The following SLC38A9 variants were observed in gnomAD, a reference collection of about 807,000 sequenced individuals.
SLC38A9 encodes neutral amino acid transporter 9.
SLC38A9 carries 48 observed loss-of-function variants against 62.3 expected under a neutral mutation model. The ratio of observed to expected loss-of-function variants is 0.77; its 90% confidence interval spans 0.61 to 0.98. The LOEUF (loss-of-function observed/expected upper bound fraction) is 0.98. SLC38A9 is among the 50% of genes least tolerant of loss of function. The pLI, the probability that SLC38A9 is intolerant of heterozygous loss-of-function variation, is 0.00. For synonymous variants in SLC38A9, 204 were observed against 227.7 expected (o/e 0.90, Z 0.94); for missense variants, 541 against 679.8 (o/e 0.80, Z 2.27).
At chr5:55,677,963 T>TGTGTG (rs1561395903) in intron 3 of SLC38A9, among the ~76,000 whole-genome samples, 8 of 120,300 alleles carry the variant, frequency 6.7e-5, no homozygotes, top group African/African-American at 1.8e-4. Flanking sequence ...TGTGTGTGTG[T>TGTGTG]AGTGTGTTGG....
At chr5:55,628,086 A>C in intron 14 of SLC38A9, 106 bp from the exon 15 acceptor site, 15 of 684,270 alleles carry the variant, frequency 2.2e-5, no homozygotes, top group Non-Finnish European at 3.1e-5. Context: ...TTAAAATCAA[A>C]ATGTCTTAAG....
intron 3 of SLC38A9, among the ~76,000 whole-genome samples, chr5:55,679,083 A>T (rs940859303): frequency 6.1e-5 from 6 of 98,544 alleles, no homozygotes; most frequent in Non-Finnish European, 1.3e-4. Flanking sequence ...TTTAAAGTTA[A>T]TTTTATCAAG....
chr5:55,672,805 C>T, intron 3 of SLC38A9, 110 bp from the exon 4 acceptor site: 1 of 1,065,544 alleles, frequency 9.4e-7, no homozygotes, highest in Non-Finnish European at 1.3e-6. Flanking sequence ...TGCACAAAGG[C>T]AAGGCATTGA....
chr5:55,687,306 G>A (rs1754032613), intron 3 of SLC38A9, among the ~76,000 whole-genome samples: 1 of 149,882 alleles, frequency 6.7e-6, no homozygotes, highest in East Asian at 2.0e-4. Context: ...GGGCGCCTGT[G>A]GTCCCAGCTA....
rs920031631 is a variant in SLC38A9 at position 55,628,132 on chromosome 5, T to C, written c.1431-152A>G. The C allele has an allele frequency of 6.5e-5, 38 of 580,306 alleles. No homozygotes were observed. The South Asian group carries it at 8.8e-4, about 13-fold the overall frequency. The allele number at this position is 580,306 out of a possible 1,614,324, so 35.9% of individuals were successfully genotyped here. ...TCACAGCAAAAATAGAAGGTAACAG[T>C]AGTCCTCAATTGTGGTAACGAGAAA... On this transcript the variant is annotated intron_variant, in intron 14 of 15. Transcript: ENST00000396865.
At chr5:55,647,161 A>ATTTAT (rs928845959) in intron 11 of SLC38A9, among the ~76,000 whole-genome samples, 1 of 127,790 alleles carries the variant, frequency 7.8e-6, no homozygotes, top group Non-Finnish European at 1.7e-5. Context: ...AGGTTATGCA[A>ATTTAT]TTTATTTTAT....
intron 3 of SLC38A9, among the ~76,000 whole-genome samples, chr5:55,687,045 A>T (rs1483074182): frequency 7.0e-6 from 1 of 143,822 alleles, no homozygotes; most frequent in African/African-American, 2.6e-5. Flanking sequence ...GAAGTTGGAT[A>T]GCATGATGCC....
intron 3 of SLC38A9, among the ~76,000 whole-genome samples, chr5:55,677,926 T>TTGTGTGTG (rs10682261): frequency 0.018 from 2,009 of 112,170 alleles, 34 homozygotes; most frequent in Middle Eastern, 0.037. Flanking sequence ...TTTTTCTTTA[T>TTGTGTGTG]TGTGTGTGTG....
intron 3 of SLC38A9, among the ~76,000 whole-genome samples, chr5:55,674,281 T>C (rs546740998): frequency 6.6e-6 from 1 of 152,306 alleles, no homozygotes; most frequent in Admixed American, 6.5e-5. Context: ...TAGGGATCAA[T>C]ATGACATATT....
At position 55,649,327 on chromosome 5, in the gene SLC38A9, A is replaced by C. The variant is rs747627095; in HGVS notation, c.953-13T>G. On this transcript the variant is annotated splice_polypyrimidine_tract_variant and intron_variant, in intron 10 of 15. Coordinates refer to ENST00000396865, the MANE Select transcript of SLC38A9 (RefSeq NM_173514.4). The stretch of plus-strand genomic sequence containing the variant: ...ACAGACACTGTGCCTGTGAGGAAAA[A>C]ATTCAGAAACCATTTATTATCTTTG... 2 of 1,458,436 alleles carry C rather than the reference A, an allele frequency of 1.4e-6. No homozygotes were observed. Among genetic ancestry groups the C allele is most frequent in the Admixed American group, 2.2e-5 (1 of 46,204 alleles). 90.3% of individuals were successfully genotyped at this position (1,458,436 alleles called of 1,614,324 possible). A position where few individuals can be genotyped will look rare whatever the true frequency, so the allele number is the denominator to read the frequency against.
chr5:55,636,028 G>A (rs539232605), intron 12 of SLC38A9, among the ~76,000 whole-genome samples: 7 of 152,138 alleles, frequency 4.6e-5, no homozygotes, highest in African/African-American at 7.2e-5. Context: ...CAACAAGAAA[G>A]TAAGCATAGC....
chr5:55,659,030 CT>C (rs1313144755), intron 8 of SLC38A9, among the ~76,000 whole-genome samples: 2 of 152,110 alleles, frequency 1.3e-5, no homozygotes, highest in Non-Finnish European at 2.9e-5. Context: ...CTCTTCATAT[CT>C]TTTGATTATC....
intron 3 of SLC38A9, among the ~76,000 whole-genome samples, chr5:55,683,964 A>C (rs1219678834): frequency 6.6e-6 from 1 of 152,226 alleles, no homozygotes; most frequent in Non-Finnish European, 1.5e-5. Flanking sequence ...CTGTACTTAT[A>C]CTTACTCTAG....
intron 2 of SLC38A9, among the ~76,000 whole-genome samples, chr5:55,710,067 C>CAAAAAA (rs1174162436): frequency 3.4e-4 from 7 of 20,818 alleles, no homozygotes; most frequent in East Asian, 2.5e-3. Flanking sequence ...GACTCCATCT[C>CAAAAAA]AAAAAAAAAA....
chr5:55,680,307 C>T (rs954066240), intron 3 of SLC38A9, among the ~76,000 whole-genome samples: 3 of 152,162 alleles, frequency 2.0e-5, no homozygotes, highest in African/African-American at 7.2e-5. Flanking sequence ...TTAAACAGAT[C>T]ACCAAAGAAA....
At chr5:55,665,393 A>C (rs1019424974) in intron 7 of SLC38A9, among the ~76,000 whole-genome samples, 1 of 151,930 alleles carries the variant, frequency 6.6e-6, no homozygotes, top group African/African-American at 2.4e-5. Flanking sequence ...CAAAAAATAC[A>C]AAAAAATTAG....
At chr5:55,710,923 G>GT (rs1381855917) in intron 2 of SLC38A9, among the ~76,000 whole-genome samples, 2 of 151,128 alleles carry the variant, frequency 1.3e-5, no homozygotes, top group Non-Finnish European at 2.9e-5. Context: ...TGGCCAAAAC[G>GT]TTTTTAAAAA....
At chr5:55,660,600 AAGAAC>A (rs1482394009) in intron 8 of SLC38A9, among the ~76,000 whole-genome samples, 10 of 152,228 alleles carry the variant, frequency 6.6e-5, no homozygotes, top group Non-Finnish European at 1.5e-4. Flanking sequence ...TATCTAAAAG[AAGAAC>A]TATACATATA....
intron 12 of SLC38A9, among the ~76,000 whole-genome samples, chr5:55,639,046 G>A (rs1024975773): frequency 9.9e-5 from 15 of 152,086 alleles, no homozygotes; most frequent in Middle Eastern, 3.4e-3. Flanking sequence ...GGCCAGGCGC[G>A]GTGGTTCACG....
Sources: gnomAD v4.1 joint callset for allele counts (sites outside exome capture counted in the v4.1 genomes callset) on GRCh38, gnomAD v4.1.1 for gene constraint, MANE v1.5 for transcripts, NCBI Gene and HGNC (gene_info 2026-07-23, HGNC 2026-07-21) for gene names.